Variants in MYOC observed in about 807,000 individuals in gnomAD.
MYOC encodes myocilin, also known as juvenile-onset open-angle glaucoma 1.
A neutral mutation model predicts 28.2 loss-of-function variants in MYOC; 29 were observed. The observed-to-expected ratio is 1.03, with a 90% CI of 0.77 to 1.40. The LOEUF (loss-of-function observed/expected upper bound fraction) is 1.40, where lower values mean the gene tolerates loss of function less well. MYOC is among the 40% of genes most tolerant of loss of function. The pLI is 0.00. For missense variants in MYOC, 569 were observed against 620.6 expected, an observed-to-expected ratio of 0.92 and a Z score of 0.88; for synonymous variants, 240 against 245.6, an observed-to-expected ratio of 0.98 and a Z score of 0.21.
chr1:171,646,048 T>G (rs1653193159), intron 1 of MYOC, among the ~76,000 whole-genome samples: 1 of 152,254 alleles, frequency 6.6e-6, no homozygotes, highest in Admixed American at 6.5e-5. Flanking sequence ...CCTGCTGGCT[T>G]CTTCTAGGTC....
At chr1:171,648,056 G>C (rs1558089219) in intron 1 of MYOC, among the ~76,000 whole-genome samples, 1 of 151,862 alleles carries the variant, frequency 6.6e-6, no homozygotes, top group Non-Finnish European at 1.5e-5. Context: ...GGGCGTGGTA[G>C]TGTGCACCTG....
intron 1 of MYOC, among the ~76,000 whole-genome samples, chr1:171,649,809 G>T (rs171006): frequency 6.6e-6 from 1 of 151,848 alleles, no homozygotes; most frequent in African/African-American, 2.4e-5. Context: ...AAAAAAGAAA[G>T]AAAGTCACTG....
chr1:171,648,575 C>G (rs1401045051), intron 1 of MYOC, among the ~76,000 whole-genome samples: 1 of 141,086 alleles, frequency 7.1e-6, no homozygotes, highest in Non-Finnish European at 1.6e-5. Context: ...CAGTCCTTCT[C>G]TTGTGACAGT....
At chr1:171,641,344 G>A (rs114289326) in intron 1 of MYOC, among the ~76,000 whole-genome samples, 3,909 of 152,252 alleles carry the variant, frequency 0.026, 67 homozygotes, top group Middle Eastern at 0.065. Context: ...GTGGGAAAGC[G>A]CCTTTATTCT....
intron 2 of MYOC, among the ~76,000 whole-genome samples, 166 bp downstream of exon 2, chr1:171,638,429 CAG>C (rs144871239): frequency 4.0e-5 from 6 of 150,500 alleles, no homozygotes; most frequent in Admixed American, 2.0e-4. Flanking sequence ...GACAAGGGAA[CAG>C]AGAGAGAGAG....
At chr1:171,639,092 G>A (rs1336769748) in intron 1 of MYOC, among the ~76,000 whole-genome samples, 2 of 152,090 alleles carry the variant, frequency 1.3e-5, no homozygotes, top group African/African-American at 4.8e-5. Context: ...AAGAAACTCT[G>A]TCTGAAAACT....
intron 1 of MYOC, among the ~76,000 whole-genome samples, chr1:171,648,049 C>T (rs10913389): frequency 0.63 from 95,676 of 151,180 alleles, 30,367 homozygotes; most frequent in Middle Eastern, 0.74. Context: ...GTTAGCTGGG[C>T]GTGGTAGTGT....
intron 2 of MYOC, 104 bp downstream of exon 2, chr1:171,638,493 T>C (rs1413550687): frequency 3.6e-6 from 5 of 1,377,412 alleles, no homozygotes; most frequent in African/African-American, 2.9e-5. Context: ...GGAAGTTAAT[T>C]TCCCCCTTGG....
intron 1 of MYOC, among the ~76,000 whole-genome samples, chr1:171,641,338 G>A (rs1432679271): frequency 6.6e-6 from 1 of 152,220 alleles, no homozygotes; most frequent in Non-Finnish European, 1.5e-5. Context: ...GAAAATGTGG[G>A]AAAGCGCCTT....
chr1:171,636,958 G>A (rs1652938677), intron 2 of MYOC, among the ~76,000 whole-genome samples: 1 of 152,186 alleles, frequency 6.6e-6, no homozygotes, highest in South Asian at 2.1e-4. Flanking sequence ...TAGGGCTGTT[G>A]TAAATTTTAA....
At chr1:171,651,665 CA>C (rs1296180020) in intron 1 of MYOC, among the ~76,000 whole-genome samples, 2 of 152,086 alleles carry the variant, frequency 1.3e-5, no homozygotes, top group Non-Finnish European at 2.9e-5. Context: ...AGCAAAGGTT[CA>C]AAAAAGGATA....
chr1:171,648,188 T>TA (rs11295938), intron 1 of MYOC, among the ~76,000 whole-genome samples: 51 of 144,812 alleles, frequency 3.5e-4, no homozygotes, highest in East Asian at 1.4e-3. Context: ...GACTCCATCT[T>TA]AAAAAAAAAA....
At chr1:171,638,891 C>G (rs603028) in intron 1 of MYOC, 169 bp from the exon 2 acceptor site, 1 of 604,022 alleles carries the variant, frequency 1.7e-6, no homozygotes, top group African/African-American at 1.9e-5. Context: ...GTCAGGAGTT[C>G]GAGACCAGCC....
In MYOC at chr1:171,652,518, C is replaced by A; in HGVS notation, c.94G>T (p.Ala32Ser). ...LLACLVWDVG[A>S]RTAQLRKAND... ...GCCTTCCTGAGCTGAGCTGTCCTGG[C>A]CCCCACATCCCACACCAGGCAGGCC... The change falls in exon 1 of 3, where the codon GCC (alanine) becomes TCC (serine). Residue 32 changes from alanine (A) to serine (S), a missense_variant. Transcript: ENST00000037502. The A allele has an allele frequency of 6.2e-7, 1 of 1,614,192 alleles. No individual in the cohort carries two copies. Among genetic ancestry groups the A allele is most frequent in the Non-Finnish European group, 8.5e-7 (1 of 1,180,036 alleles).
chr1:171,650,053 G>A (rs1653315811), intron 1 of MYOC, among the ~76,000 whole-genome samples: 1 of 152,060 alleles, frequency 6.6e-6, no homozygotes, highest in African/African-American at 2.4e-5. Context: ...TCAATATAAT[G>A]GGATGTTGCC....
intron 1 of MYOC, among the ~76,000 whole-genome samples, chr1:171,642,553 G>T (rs1255094526): frequency 6.6e-6 from 1 of 151,528 alleles, no homozygotes; most frequent in Non-Finnish European, 1.5e-5. Context: ...GGGCAAGGCT[G>T]CAGTGAGCCA....
In MYOC at chr1:171,652,281, G is replaced by C; in HGVS notation, c.331C>G (p.Gln111Glu). Reference sequence around the variant, plus strand: ...CTCTGCAGCCCCTCCTGGGTCTCCTGGGGCCTGGCAGCCTGGTCCAAGGTC... The same window carrying C: ...CTCTGCAGCCCCTCCTGGGTCTCCTCGGGCCTGGCAGCCTGGTCCAAGGTC... ...QLTLDQAARP[Q>E]ETQEGLQREL... Residue 111 changes from glutamine to glutamate, a missense_variant, in exon 1 of 3, where the codon CAG becomes GAG. Coordinates refer to ENST00000037502, the MANE Select transcript of MYOC (RefSeq NM_000261.2). The C allele has an allele frequency of 6.2e-7, 1 of 1,613,270 alleles. No homozygotes were observed. The highest frequency in any genetic ancestry group is 8.5e-7 in the Non-Finnish European group (1 of 1,179,528).
At chr1:171,642,846 G>T (rs1653109023) in intron 1 of MYOC, among the ~76,000 whole-genome samples, 1 of 143,534 alleles carries the variant, frequency 7.0e-6, no homozygotes, top group African/African-American at 2.6e-5. Context: ...AAGAAAAAAA[G>T]GTGTCTAAGA....
At chr1:171,639,438 ACAGT>A (rs1653018719) in intron 1 of MYOC, among the ~76,000 whole-genome samples, 1 of 152,072 alleles carries the variant, frequency 6.6e-6, no homozygotes, top group South Asian at 2.1e-4. Flanking sequence ...GAATATGGAG[ACAGT>A]CCTCAGCATC....
Sources: allele counts gnomAD v4.1 joint callset (sites outside exome capture counted in the v4.1 genomes callset), GRCh38; gene constraint gnomAD v4.1.1; transcripts MANE v1.5; gene names NCBI Gene and HGNC (gene_info 2026-07-23, HGNC 2026-07-21).